The following ANK1 variants were observed in gnomAD, a reference collection of about 807,000 sequenced individuals.
ANK1 encodes ankyrin-1.
ANK1 carries 51 observed loss-of-function variants against 210.4 expected under a neutral mutation model. That is an observed-to-expected ratio of 0.24 (90% CI 0.19 to 0.31). The LOEUF is 0.31. Among genes scored for constraint, ANK1 ranks in the 10% least tolerant of loss-of-function variants. The pLI is 1.00. For missense variants in ANK1, 2,051 were observed against 2,504.4 expected (o/e 0.82, Z 3.86); for synonymous variants, 967 against 1,025.9 (o/e 0.94, Z 1.10).
chr8:41,793,139 G>A (rs1848080527), intron 1 of ANK1, among the ~76,000 whole-genome samples: 1 of 152,310 alleles, frequency 6.6e-6, no homozygotes, highest in East Asian at 1.9e-4. Flanking sequence ...TGCTTTGAGA[G>A]GCCAAGGAGG....
At chr8:41,843,285 C>T (rs943160910) in intron 1 of ANK1, among the ~76,000 whole-genome samples, 6 of 152,296 alleles carry the variant, frequency 3.9e-5, no homozygotes, top group Admixed American at 1.3e-4. Flanking sequence ...GTGTCCATCA[C>T]CCAAGTATAA....
intron 24 of ANK1, 131 bp from the exon 25 acceptor site, chr8:41,696,904 G>C (rs1821186959): frequency 1.2e-6 from 1 of 861,950 alleles, no homozygotes; most frequent in Admixed American, 2.0e-5. Context: ...GCTCCCACGG[G>C]ACCCCACCGC....
rs541679080 is a variant in ANK1, at chr8:41,706,163, T to C, written c.2077A>G (p.Met693Val). ...CTTACCCGGGTGGTGGCGTCCACCATGACGCCGTGTTTGATCAGCACATCT... is the reference window on the plus strand; with the variant it reads ...CTTACCCGGGTGGTGGCGTCCACCACGACGCCGTGTTTGATCAGCACATCT... Reference protein sequence around the residue: ...VADVLIKHGVMVDATTRMGYT... With the variant: ...VADVLIKHGVVVDATTRMGYT... Residue 693 changes from methionine (M) to valine (V), a missense_variant, in exon 18 of 43, where the codon ATG (methionine) becomes GTG (valine). By Grantham distance (21) the Met-to-Val change is conservative. Around this residue, in one of 6 missense-constraint regions of ANK1, gnomAD observed 1,413 missense variants for 1,707.4 expected, o/e 0.83. Coordinates refer to ENST00000289734, the MANE Select transcript of ANK1 (RefSeq NM_000037.4). The C allele has an allele frequency of 6.2e-7, 1 of 1,614,026 alleles. No individual in the cohort carries two copies. The highest frequency in any genetic ancestry group is 2.2e-5 in the East Asian group (1 of 44,878).
chr8:41,713,364 C>T (rs12334489), intron 16 of ANK1, among the ~76,000 whole-genome samples: 5,627 of 152,254 alleles, frequency 0.037, 186 homozygotes, highest in African/African-American at 0.094. Flanking sequence ...CTTCCCACAG[C>T]AGGCAGCCTG....
chr8:41,750,828 G>A (rs897457424), intron 2 of ANK1, among the ~76,000 whole-genome samples: 19 of 152,190 alleles, frequency 1.2e-4, no homozygotes, highest in Admixed American at 2.0e-4. Flanking sequence ...TCTGCCTTAC[G>A]CTGAGTTGTG....
intron 31 of ANK1, among the ~76,000 whole-genome samples, chr8:41,692,329 T>G (rs1183321118): frequency 1.3e-5 from 2 of 152,246 alleles, no homozygotes; most frequent in African/African-American, 4.8e-5. Context: ...AGTGTTGAGA[T>G]GAAAGGCGTG....
chr8:41,803,023 A>AAGAAAGAAAG (rs1850225527), intron 1 of ANK1, among the ~76,000 whole-genome samples: 3 of 101,394 alleles, frequency 3.0e-5, no homozygotes, highest in Non-Finnish European at 6.2e-5. Context: ...GAAAGAAAGA[A>AAGAAAGAAAG]AGAAAGAAAG....
chr8:41,674,514 A>C (rs1352675871), intron 37 of ANK1, among the ~76,000 whole-genome samples: 1 of 152,198 alleles, frequency 6.6e-6, no homozygotes, highest in Non-Finnish European at 1.5e-5. Context: ...TTCCTACAAC[A>C]GGATTGGGCC....
intron 36 of ANK1, 100 bp from the exon 37 acceptor site, chr8:41,684,790 A>G (rs1220590088): frequency 6.7e-7 from 1 of 1,483,878 alleles, no homozygotes; most frequent in Non-Finnish European, 9.3e-7. Flanking sequence ...GAAAGGAGAT[A>G]ATTTTTTTCA....
intron 13 of ANK1, among the ~76,000 whole-genome samples, chr8:41,716,508 T>C (rs949328123): frequency 6.6e-6 from 1 of 152,148 alleles, no homozygotes; most frequent in Non-Finnish European, 1.5e-5. Context: ...AAGCCTGCTG[T>C]TGGCCGAGTG....
chr8:41,704,256 C>T lies in ANK1; in HGVS notation c.2197-117G>A. 2.9e-6 allele frequency: 4 copies of T among 1,374,200 alleles called. No individual in the cohort carries two copies. Among genetic ancestry groups the T allele is most frequent in the East Asian group, 2.3e-5 (1 of 43,740 alleles). 85.1% of individuals were successfully genotyped at this position (1,374,200 alleles called of 1,614,324 possible). ...GACATTAATGAAATGCATTTTCCCCCTTTCTTCCTTCAGGGTCCATGGTCA... is the reference window on the plus strand; with the variant it reads ...GACATTAATGAAATGCATTTTCCCCTTTTCTTCCTTCAGGGTCCATGGTCA... On this transcript the variant is annotated intron_variant, in intron 19 of 42. Coordinates refer to ENST00000289734, the MANE Select transcript of ANK1 (RefSeq NM_000037.4). The surrounding 1 kb of genome is among the most constrained non-coding windows in gnomAD (Gnocchi z 4.1).
chr8:41,737,028 G>A (rs951520427), intron 2 of ANK1, among the ~76,000 whole-genome samples: 2 of 152,188 alleles, frequency 1.3e-5, no homozygotes, highest in Admixed American at 6.5e-5. Context: ...GGCTGGGCAC[G>A]GTGGCTCACA....
intron 1 of ANK1, among the ~76,000 whole-genome samples, chr8:41,895,748 G>T (rs1294052574): frequency 6.6e-6 from 1 of 152,168 alleles, no homozygotes; most frequent in African/African-American, 2.4e-5. Context: ...AGGAGAAGGC[G>T]CCTTCTTTTC....
At position 41,859,567 on chromosome 8, in the gene ANK1, G is replaced by A. The variant is rs538463811; in HGVS notation, c.126+36788C>T. Among the ~76,000 whole-genome samples, 15 of 152,292 alleles carry A rather than the reference G, an allele frequency of 9.8e-5. No homozygotes were observed. The East Asian group carries it at 1.5e-3, about 16-fold the overall frequency. On this transcript the variant is annotated intron_variant, in intron 1 of 42. Transcript: ENST00000265709. ...TTGCCATGTTGGCCAGGCTGGTCTC[G>A]GACGTCAGGTGATCTGCCCACCTCA...
chr8:41,749,528 C>CTCA (rs1326196365), intron 2 of ANK1, among the ~76,000 whole-genome samples: 1 of 144,456 alleles, frequency 6.9e-6, no homozygotes, highest in Admixed American at 7.2e-5. Flanking sequence ...AACTCATGAC[C>CTCA]TCAGGTGATC....
chr8:41,856,791 A>T lies in ANK1; in HGVS notation c.126+39564T>A, dbSNP rs566460419. Among the ~76,000 whole-genome samples the T allele has an allele frequency of 3.5e-3, 530 of 151,598 alleles. 2 individuals are homozygous for T. Among genetic ancestry groups the T allele is most frequent in the African/African-American group, 0.013 (516 of 41,268 alleles). Reference sequence around the variant, plus strand: ...CAAAAAAAAAATTGAAATCCAAAACATTTCTGGTCCCAAGCATTCTGCATA... The same window carrying T: ...CAAAAAAAAAATTGAAATCCAAAACTTTTCTGGTCCCAAGCATTCTGCATA... On this transcript the variant is annotated intron_variant, in intron 1 of 42. Coordinates refer to the ANK1 transcript ENST00000265709.
At chr8:41,895,369 C>T (rs1318779142) in intron 1 of ANK1, among the ~76,000 whole-genome samples, 1 of 152,148 alleles carries the variant, frequency 6.6e-6, no homozygotes, top group African/African-American at 2.4e-5. Context: ...CACCCACGTA[C>T]TCTTGGCCTC....
chr8:41,791,628 T>A (rs922946296), intron 1 of ANK1, among the ~76,000 whole-genome samples: 7 of 152,152 alleles, frequency 4.6e-5, no homozygotes, highest in African/African-American at 1.7e-4. Flanking sequence ...GGATGGGGTT[T>A]CACCACGTTG....
chr8:41,833,277 G>C (rs1161908460), intron 1 of ANK1, among the ~76,000 whole-genome samples: 1 of 152,178 alleles, frequency 6.6e-6, no homozygotes, highest in Non-Finnish European at 1.5e-5. Context: ...GTCTCCCCCA[G>C]TCACCCCTGG....
Sources: allele counts gnomAD v4.1 joint callset (sites outside exome capture counted in the v4.1 genomes callset), GRCh38; gene constraint gnomAD v4.1.1; regional missense constraint gnomAD v4.1.1; non-coding constraint Gnocchi (gnomAD v3.1); transcripts MANE v1.5; gene names NCBI Gene and HGNC (gene_info 2026-07-23, HGNC 2026-07-21).